RIPOR2: variants seen among roughly 807,000 people sequenced by gnomAD.
The protein encoded by RIPOR2 is RHO family interacting cell polarization regulator 2, also known as rho family-interacting cell polarization regulator 2.
A neutral mutation model predicts 114.5 loss-of-function variants in RIPOR2; 39 were observed. That is an observed-to-expected ratio of 0.34 (90% CI 0.26 to 0.44). The LOEUF is 0.44. Ranked by LOEUF, RIPOR2 falls within the 20% of genes least tolerant of loss-of-function variation. The pLI, the probability that RIPOR2 is intolerant of heterozygous loss-of-function variation, is 1.00. For missense variants in RIPOR2, 1,007 were observed against 1,255.1 expected (o/e 0.80, Z 2.99); for synonymous variants, 445 against 484.4 (o/e 0.92, Z 1.07).
intron 1 of RIPOR2, chr6:24,976,897 T>C (rs765978046): frequency 2.2e-4 from 360 of 1,605,840 alleles, no homozygotes; most frequent in Non-Finnish European, 2.7e-4. Flanking sequence ...GCATGAATAT[T>C]GTGGAGGCCA....
chr6:24,955,118 G>A (rs1772970509), intron 1 of RIPOR2, among the ~76,000 whole-genome samples: 3 of 152,204 alleles, frequency 2.0e-5, no homozygotes. Flanking sequence ...TGGGAGGAGA[G>A]TTTACTTCTA....
intron 1 of RIPOR2, among the ~76,000 whole-genome samples, chr6:25,039,651 C>G (rs962241128): frequency 3.9e-5 from 6 of 152,246 alleles, no homozygotes; most frequent in Admixed American, 3.3e-4. Flanking sequence ...GGCCGACTTC[C>G]CATCCATACT....
intron 4 of RIPOR2, among the ~76,000 whole-genome samples, chr6:24,871,510 C>A (rs912162349): frequency 3.9e-5 from 6 of 152,136 alleles, no homozygotes; most frequent in Admixed American, 2.0e-4. Context: ...CACCACCACG[C>A]CCAGCTAATT....
intron 19 of RIPOR2, among the ~76,000 whole-genome samples, chr6:24,822,181 T>C (rs2113653400): frequency 1.3e-5 from 2 of 152,330 alleles, no homozygotes; most frequent in Non-Finnish European, 1.5e-5. Context: ...TCATCTACTT[T>C]ATAATTTTAA....
intron 1 of RIPOR2, among the ~76,000 whole-genome samples, chr6:24,882,127 G>A (rs1286804821): frequency 6.6e-6 from 1 of 152,186 alleles, no homozygotes; most frequent in Non-Finnish European, 1.5e-5. Flanking sequence ...GCCACCAGTA[G>A]AAGTAGTAAA....
At chr6:24,893,487 A>C (rs1047932066) in intron 1 of RIPOR2, among the ~76,000 whole-genome samples, 9 of 152,234 alleles carry the variant, frequency 5.9e-5, no homozygotes, top group African/African-American at 2.2e-4. Flanking sequence ...GTCTCTGTGC[A>C]GATAAAGATG....
intron 13 of RIPOR2, 168 bp from the exon 14 acceptor site, chr6:24,839,440 C>G (rs1057014022): frequency 7.0e-7 from 1 of 1,435,450 alleles, no homozygotes; most frequent in Admixed American, 2.8e-5. Flanking sequence ...AAAAGAAGTA[C>G]AACCATGGAT....
At chr6:24,833,216 G>A (rs114974228) in intron 15 of RIPOR2, among the ~76,000 whole-genome samples, 4,007 of 152,234 alleles carry the variant, frequency 0.026, 161 homozygotes, top group African/African-American at 0.084. Flanking sequence ...ATTGTTTAAA[G>A]TATTGGGACT....
intron 11 of RIPOR2, among the ~76,000 whole-genome samples, chr6:24,848,817 A>G (rs1206042972): frequency 6.6e-6 from 1 of 152,254 alleles, no homozygotes; most frequent in Non-Finnish European, 1.5e-5. Context: ...TCCATATTGT[A>G]AATGAGACCC....
intron 1 of RIPOR2, among the ~76,000 whole-genome samples, chr6:25,030,294 G>A (rs79452007): frequency 0.018 from 2,670 of 152,122 alleles, 29 homozygotes; most frequent in African/African-American, 0.023. Flanking sequence ...CTGTCCCTTC[G>A]TAGTTGCCAC....
intron 1 of RIPOR2, among the ~76,000 whole-genome samples, chr6:24,965,773 T>C (rs970893221): frequency 2.0e-5 from 3 of 152,258 alleles, no homozygotes; most frequent in African/African-American, 7.2e-5. Context: ...TGAATTATTA[T>C]AATGAAAACA....
chr6:24,840,486 G>A (rs1033397872), intron 13 of RIPOR2: 1 of 1,381,234 alleles, frequency 7.2e-7, no homozygotes, highest in African/African-American at 1.5e-5. Context: ...GAGTTGGAGA[G>A]AAGTATTTCC....
chr6:24,875,597 T>C (rs1038796326), intron 2 of RIPOR2, 94 bp downstream of exon 2: 29 of 1,279,016 alleles, frequency 2.3e-5, no homozygotes, highest in African/African-American at 3.0e-5. Context: ...GGGGGGCGGT[T>C]TGACAAGGCT....
intron 1 of RIPOR2, among the ~76,000 whole-genome samples, chr6:24,983,227 T>C (rs1043775191): frequency 1.3e-5 from 2 of 149,302 alleles, no homozygotes; most frequent in Non-Finnish European, 3.0e-5. Flanking sequence ...CATACATATA[T>C]ACACACACAC....
At chr6:25,015,318 G>C (rs1459866533) in intron 1 of RIPOR2, 1 of 152,192 alleles carries the variant, frequency 6.6e-6, no homozygotes, top group Non-Finnish European at 1.5e-5. Context: ...TTTGTACTCT[G>C]GTAAGAAGCC....
Position 24,927,183 on chromosome 6 carries a change from GAC to G in RIPOR2, c.61+8653_61+8654del, listed in dbSNP as rs1770966598. On this transcript the variant is annotated intron_variant, in intron 1 of 21. Coordinates refer to ENST00000643898, the MANE Select transcript of RIPOR2 (RefSeq NM_001286445.3). Reference sequence around the variant, plus strand: ...CCACAACTACAATCACCACCACCATGACCACCACCACAACTACAAGCACCACC... The same window carrying G: ...CCACAACTACAATCACCACCACCATGCACCACCACAACTACAAGCACCACC... Among the ~76,000 whole-genome samples, 23 of 3,726 alleles carry G rather than the reference GAC, an allele frequency of 6.2e-3. 10 individuals are homozygous for G. The highest frequency in any genetic ancestry group is 0.016 in the Admixed American group (8 of 514). 2.4% of individuals were successfully genotyped at this position (3,726 alleles called of 152,430 possible).
intron 1 of RIPOR2, among the ~76,000 whole-genome samples, chr6:24,959,723 T>A (rs918984425): frequency 3.9e-5 from 6 of 152,190 alleles, no homozygotes; most frequent in Non-Finnish European, 8.8e-5. Context: ...CATACCCCAA[T>A]TAGCCTTTTT....
chr6:24,891,214 C>T (rs749357913), intron 1 of RIPOR2, among the ~76,000 whole-genome samples: 15 of 152,140 alleles, frequency 9.9e-5, no homozygotes, highest in Non-Finnish European at 8.8e-5. Flanking sequence ...GTACACATGT[C>T]CTCTGCATGG....
intron 1 of RIPOR2, among the ~76,000 whole-genome samples, chr6:25,010,386 G>A (rs566349538): frequency 7.2e-5 from 11 of 152,146 alleles, no homozygotes; most frequent in African/African-American, 2.6e-4. Flanking sequence ...CCCGCCTTGA[G>A]TGGAAGCAGT....
Sources: gnomAD v4.1 joint callset for allele counts (sites outside exome capture counted in the v4.1 genomes callset) on GRCh38, gnomAD v4.1.1 for gene constraint, MANE v1.5 for transcripts, NCBI Gene and HGNC (gene_info 2026-07-23, HGNC 2026-07-21) for gene names.